Variants in AKAP19 observed in about 807,000 individuals in gnomAD.
AKAP19 encodes A-kinase anchoring protein 19.
At chr2:189,930,097 G>GT in the AKAP19 span, among the ~76,000 whole-genome samples, 4 of 152,076 alleles carry the variant, frequency 2.6e-5, no homozygotes, top group African/African-American at 9.7e-5. Flanking sequence ...TTCTCTCTAA[G>GT]TTTTGAAATA....
chr2:189,924,077 G>A, the AKAP19 span: 1 of 1,556,354 alleles, frequency 6.4e-7, no homozygotes, highest in East Asian at 2.3e-5. Context: ...AGATGACTCT[G>A]CTGAGGAGGG....
the AKAP19 span, among the ~76,000 whole-genome samples, chr2:190,035,020 A>C: frequency 5.9e-5 from 9 of 152,178 alleles, no homozygotes; most frequent in Middle Eastern, 3.4e-3. Context: ...TCCCTAACTC[A>C]TTGTCCCTGC....
chr2:190,045,478 G>A, the AKAP19 span, among the ~76,000 whole-genome samples: 1 of 152,130 alleles, frequency 6.6e-6, no homozygotes, highest in East Asian at 1.9e-4. Flanking sequence ...AATGGGATTG[G>A]GCACCCACTG....
the AKAP19 span, among the ~76,000 whole-genome samples, chr2:189,982,915 A>G: frequency 6.6e-6 from 1 of 152,040 alleles, no homozygotes; most frequent in South Asian, 2.1e-4. Flanking sequence ...CAGGAAGATT[A>G]TGGACTAGCA....
the AKAP19 span, among the ~76,000 whole-genome samples, chr2:190,066,835 T>A: frequency 6.6e-6 from 1 of 152,188 alleles, no homozygotes; most frequent in African/African-American, 2.4e-5. Flanking sequence ...ATTCATGTAT[T>A]AGTTTATGAA....
At chr2:190,183,848 G>T in the AKAP19 span, among the ~76,000 whole-genome samples, 1 of 151,688 alleles carries the variant, frequency 6.6e-6, no homozygotes, top group Non-Finnish European at 1.5e-5. Context: ...TCTTAGTGAG[G>T]TTTCCATACT....
the AKAP19 span, among the ~76,000 whole-genome samples, chr2:190,080,421 A>G: frequency 6.6e-6 from 1 of 152,210 alleles, no homozygotes; most frequent in African/African-American, 2.4e-5. Context: ...GTGCAAAAGC[A>G]CAGAGGACTT....
the AKAP19 span, among the ~76,000 whole-genome samples, chr2:190,036,306 T>C: frequency 6.6e-6 from 1 of 152,186 alleles, no homozygotes; most frequent in African/African-American, 2.4e-5. Flanking sequence ...CTGTGAGCTA[T>C]GGCACAGTAC....
chr2:190,110,650 G>A, the AKAP19 span, among the ~76,000 whole-genome samples: 5 of 152,046 alleles, frequency 3.3e-5, no homozygotes, highest in Non-Finnish European at 5.9e-5. Context: ...CTCTTACATA[G>A]GACAATTATG....
the AKAP19 span, among the ~76,000 whole-genome samples, chr2:189,908,218 G>A: frequency 7.3e-6 from 1 of 136,998 alleles, no homozygotes; most frequent in Non-Finnish European, 1.6e-5. Context: ...TTTTTTGACA[G>A]AGTTTCACTC....
chr2:190,181,025 C>T, the AKAP19 span: 7 of 985,446 alleles, frequency 7.1e-6, no homozygotes, highest in Non-Finnish European at 7.2e-6. Context: ...CGGAGACCCG[C>T]CCCGGGCCTG....
At chr2:189,927,783 T>C in the AKAP19 span, among the ~76,000 whole-genome samples, 2 of 152,212 alleles carry the variant, frequency 1.3e-5, no homozygotes, top group Non-Finnish European at 1.5e-5. Flanking sequence ...CTGTTCAGTC[T>C]GGTGGCCACT....
the AKAP19 span, among the ~76,000 whole-genome samples, chr2:189,896,059 G>C: frequency 2.7e-5 from 4 of 150,932 alleles, no homozygotes; most frequent in African/African-American, 9.7e-5. Context: ...GTATGTTTTA[G>C]TCATCTCACA....
At chr2:190,163,133 G>A in the AKAP19 span, among the ~76,000 whole-genome samples, 2 of 152,158 alleles carry the variant, frequency 1.3e-5, no homozygotes, top group African/African-American at 4.8e-5. Flanking sequence ...GAGATATCAA[G>A]TCCTATAAAA....
At chr2:189,990,415 G>A in the AKAP19 span, among the ~76,000 whole-genome samples, 4 of 152,014 alleles carry the variant, frequency 2.6e-5, no homozygotes, top group Non-Finnish European at 5.9e-5. Context: ...TATTCTATTA[G>A]TATAGTATAT....
the AKAP19 span, among the ~76,000 whole-genome samples, chr2:189,888,063 T>G: frequency 6.6e-6 from 1 of 152,222 alleles, no homozygotes; most frequent in Non-Finnish European, 1.5e-5. Flanking sequence ...TTGCCTAGGT[T>G]TTCTTCTAGG....
chr2:190,085,510 C>T, the AKAP19 span, among the ~76,000 whole-genome samples: 1 of 152,178 alleles, frequency 6.6e-6, no homozygotes, highest in Non-Finnish European at 1.5e-5. Context: ...GGGAATGAGG[C>T]AGCTGAAAGA....
At chr2:190,117,836 T>C in the AKAP19 span, among the ~76,000 whole-genome samples, 1 of 152,222 alleles carries the variant, frequency 6.6e-6, no homozygotes, top group Non-Finnish European at 1.5e-5. Context: ...GGATCCACAA[T>C]GAATGTGCTA....
the AKAP19 span, among the ~76,000 whole-genome samples, chr2:190,043,745 G>A: frequency 3.3e-5 from 5 of 152,180 alleles, no homozygotes; most frequent in Non-Finnish European, 5.9e-5. Flanking sequence ...TGGTGCAGTC[G>A]TTTGGAGGAT....
Sources: allele counts gnomAD v4.1 joint callset (sites outside exome capture counted in the v4.1 genomes callset), GRCh38; gene constraint gnomAD v4.1.1; transcripts MANE v1.5; gene names NCBI Gene and HGNC (gene_info 2026-07-23, HGNC 2026-07-21).